GPC6: variants seen among roughly 807,000 people sequenced by gnomAD.
GPC6 encodes glypican 6.
A neutral mutation model predicts 55.2 loss-of-function variants in GPC6; 14 were observed. The ratio of observed to expected loss-of-function variants is 0.25; its 90% CI spans 0.17 to 0.40. GPC6 has a LOEUF of 0.40. Ranked by LOEUF, GPC6 falls within the 10% of genes least tolerant of loss-of-function variation. GPC6 has a pLI of 1.00. For synonymous variants in GPC6, 278 were observed against 259.6 expected (o/e 1.07, Z -0.68); for missense variants, 641 against 708.5 (o/e 0.90, Z 1.08).
At chr13:93,498,553 G>C (rs1044051046) in intron 1 of GPC6, among the ~76,000 whole-genome samples, 3 of 152,170 alleles carry the variant, frequency 2.0e-5, no homozygotes, top group African/African-American at 4.8e-5. Flanking sequence ...TCATGATAGT[G>C]AGTAAGTCTC....
intron 3 of GPC6, among the ~76,000 whole-genome samples, chr13:93,861,833 G>A (rs2183429): frequency 2.6e-5 from 4 of 151,434 alleles, no homozygotes; most frequent in African/African-American, 9.7e-5. Context: ...CCTTCTGGAC[G>A]TTATTTTACA....
chr13:93,365,934 A>G (rs1430975112), intron 1 of GPC6, among the ~76,000 whole-genome samples: 2 of 152,132 alleles, frequency 1.3e-5, no homozygotes, highest in Non-Finnish European at 2.9e-5. Flanking sequence ...TTAGCAGAAA[A>G]TATTGTTCAT....
At chr13:94,090,054 A>C (rs532496708) in intron 4 of GPC6, among the ~76,000 whole-genome samples, 106 of 138,532 alleles carry the variant, frequency 7.7e-4, no homozygotes, top group Middle Eastern at 3.5e-3. Context: ...CTGCTATGAA[A>C]AAATACCCAA....
At chr13:93,873,982 G>T (rs1040427765) in intron 3 of GPC6, among the ~76,000 whole-genome samples, 6 of 151,934 alleles carry the variant, frequency 3.9e-5, no homozygotes, top group African/African-American at 9.7e-5. Flanking sequence ...CCTGGATTCT[G>T]CAGTAGCCTC....
At chr13:93,333,531 A>AT (rs35057548) in intron 1 of GPC6, among the ~76,000 whole-genome samples, 13,096 of 130,578 alleles carry the variant, frequency 0.1, 1,028 homozygotes, top group East Asian at 0.22. Flanking sequence ...ATGCTATTGA[A>AT]TTTTTTTTTT....
At chr13:93,379,560 G>T (rs1463023726) in intron 1 of GPC6, among the ~76,000 whole-genome samples, 1 of 152,100 alleles carries the variant, frequency 6.6e-6, no homozygotes, top group Non-Finnish European at 1.5e-5. Flanking sequence ...TGTCATTTTT[G>T]ATAATTTCAT....
intron 3 of GPC6, among the ~76,000 whole-genome samples, chr13:93,902,665 C>T (rs1190772541): frequency 6.6e-6 from 1 of 152,124 alleles, no homozygotes. Context: ...AATTTATATT[C>T]CCGCTAACAG....
intron 1 of GPC6, among the ~76,000 whole-genome samples, chr13:93,339,858 GA>G (rs949289133): frequency 6.6e-6 from 1 of 151,980 alleles, no homozygotes; most frequent in African/African-American, 2.4e-5. Context: ...AATTACTTTT[GA>G]AAGGAGTATT....
chr13:94,150,140 T>C (rs1159114082), intron 4 of GPC6, among the ~76,000 whole-genome samples: 1 of 152,076 alleles, frequency 6.6e-6, no homozygotes, highest in African/African-American at 2.4e-5. Flanking sequence ...TGCTCAAGTA[T>C]TAAAGGCGGA....
chr13:94,182,675 A>G (rs748829129), intron 4 of GPC6, among the ~76,000 whole-genome samples: 6 of 152,230 alleles, frequency 3.9e-5, no homozygotes, highest in Non-Finnish European at 7.3e-5. Context: ...GCCAGCAGAT[A>G]AAGTCCAAAA....
intron 3 of GPC6, among the ~76,000 whole-genome samples, chr13:93,921,111 T>TA (rs1383924993): frequency 6.6e-6 from 1 of 152,166 alleles, no homozygotes; most frequent in Admixed American, 6.5e-5. Flanking sequence ...TTTGCATTTT[T>TA]AAAAAGTCAC....
chr13:93,744,600 G>T (rs1441337937), intron 2 of GPC6, among the ~76,000 whole-genome samples: 1 of 135,634 alleles, frequency 7.4e-6, no homozygotes, highest in Non-Finnish European at 1.5e-5. Context: ...AAAATAGGGT[G>T]TTGTCACCTC....
At chr13:93,325,798 GTATCCATCTGGTAGTAA>G (rs1879632656) in intron 1 of GPC6, among the ~76,000 whole-genome samples, 1 of 152,084 alleles carries the variant, frequency 6.6e-6, no homozygotes, top group African/African-American at 2.4e-5. Flanking sequence ...TGTTGTAGAT[GTATCCATCTGGTAGTAA>G]TATGTACTGA....
chr13:94,389,971 C>A (rs1880573475), intron 7 of GPC6, among the ~76,000 whole-genome samples: 1 of 152,204 alleles, frequency 6.6e-6, no homozygotes, highest in African/African-American at 2.4e-5. Flanking sequence ...GGAGCCCCTG[C>A]TGTTTTTCAA....
intron 4 of GPC6, among the ~76,000 whole-genome samples, chr13:94,285,398 G>A (rs1892501550): frequency 1.3e-5 from 2 of 152,100 alleles, no homozygotes; most frequent in Non-Finnish European, 2.9e-5. Context: ...AGTTCAACGT[G>A]GAACAGAAAC....
chr13:93,342,346 T>A (rs1458912713), intron 1 of GPC6, among the ~76,000 whole-genome samples: 2 of 152,166 alleles, frequency 1.3e-5, no homozygotes, highest in African/African-American at 2.4e-5. Context: ...TCCACATGGC[T>A]GGGGAGGCCT....
At chr13:94,229,295 T>A (rs1289560938) in intron 4 of GPC6, among the ~76,000 whole-genome samples, 1 of 152,174 alleles carries the variant, frequency 6.6e-6, no homozygotes, top group Non-Finnish European at 1.5e-5. Flanking sequence ...GGATAGGGAA[T>A]AATTTGATGA....
At chr13:93,524,240 G>C (rs1484006681) in intron 1 of GPC6, among the ~76,000 whole-genome samples, 1 of 151,940 alleles carries the variant, frequency 6.6e-6, no homozygotes, top group African/African-American at 2.4e-5. Context: ...CCAACACTCA[G>C]AATCACCACT....
At chr13:93,851,990 G>A (rs1396060591) in intron 3 of GPC6, among the ~76,000 whole-genome samples, 1 of 151,610 alleles carries the variant, frequency 6.6e-6, no homozygotes, top group Admixed American at 6.6e-5. Flanking sequence ...CTAAGACTAA[G>A]AATAGTCTAT....
Sources: allele counts gnomAD v4.1 joint callset (sites outside exome capture counted in the v4.1 genomes callset), GRCh38; gene constraint gnomAD v4.1.1; transcripts MANE v1.5; gene names NCBI Gene and HGNC (gene_info 2026-07-23, HGNC 2026-07-21).